Variants in RFPL1 observed in about 807,000 individuals in gnomAD.
RFPL1 encodes the protein ret finger protein-like 1.
A neutral mutation model predicts 9.6 loss-of-function variants in RFPL1; 6 were observed. The observed-to-expected ratio is 0.62, with a 90% CI of 0.34 to 1.23. The LOEUF is 1.23. Among genes scored for constraint, RFPL1 ranks in the 50% most tolerant of loss-of-function variants. The probability of loss-of-function intolerance (pLI) is 0.03; values close to 1 mark genes in which losing one functional copy is unlikely to be tolerated. For missense variants in RFPL1, 352 were observed against 398.4 expected (o/e 0.88, Z 0.99); for synonymous variants, 145 against 149.4 (o/e 0.97, Z 0.22).
At chr22:29,439,446 A>T (rs1352273310) in intron 1 of RFPL1, 3 of 431,780 alleles carry the variant, frequency 6.9e-6, no homozygotes, top group Non-Finnish European at 4.1e-6. Context: ...ATCCTGGATA[A>T]CACGGTGAAA....
the RFPL1 span, among the ~76,000 whole-genome samples, chr22:29,400,506 A>G: frequency 1.3e-5 from 2 of 152,304 alleles, no homozygotes; most frequent in East Asian, 3.9e-4. Flanking sequence ...GGATTGCATG[A>G]ACTTGTGCCT....
chr22:29,425,565 T>C, the RFPL1 span, among the ~76,000 whole-genome samples: 2 of 152,172 alleles, frequency 1.3e-5, no homozygotes, highest in African/African-American at 4.8e-5. Context: ...TGAATTCTCA[T>C]AGAAATGAAA....
the RFPL1 span, among the ~76,000 whole-genome samples, chr22:29,432,452 C>T: frequency 6.6e-6 from 1 of 152,174 alleles, no homozygotes; most frequent in Admixed American, 6.6e-5. Context: ...TGCTTCAGCT[C>T]AATTCCCCCT....
chr22:29,431,089 C>A, the RFPL1 span, among the ~76,000 whole-genome samples: 2 of 151,954 alleles, frequency 1.3e-5, no homozygotes, highest in Admixed American at 6.6e-5. Context: ...GTAATAAAAA[C>A]CCCTTGTAAG....
the RFPL1 span, among the ~76,000 whole-genome samples, chr22:29,420,970 A>G: frequency 6.6e-6 from 1 of 151,960 alleles, no homozygotes; most frequent in Non-Finnish European, 1.5e-5. Context: ...GCCCAGTCCC[A>G]TACTAACTTG....
At chr22:29,418,149 T>A in the RFPL1 span, among the ~76,000 whole-genome samples, 4 of 152,038 alleles carry the variant, frequency 2.6e-5, no homozygotes, top group African/African-American at 9.7e-5. Context: ...CAGGTGGTCT[T>A]GAACTCCTGA....
chr22:29,437,454 T>C (rs947979731), upstream of RFPL1: 17 of 658,842 alleles, frequency 2.6e-5, no homozygotes, highest in African/African-American at 2.8e-4. Context: ...TAATTTAATA[T>C]AAAGGCAATT....
the RFPL1 span, among the ~76,000 whole-genome samples, chr22:29,411,233 G>A: frequency 1.3e-5 from 2 of 152,120 alleles, no homozygotes; most frequent in African/African-American, 4.8e-5. Flanking sequence ...ATAGTAAGGG[G>A]GTTGGGAGTG....
the RFPL1 span, among the ~76,000 whole-genome samples, chr22:29,396,370 G>A: frequency 6.6e-6 from 1 of 152,200 alleles, no homozygotes; most frequent in Non-Finnish European, 1.5e-5. Context: ...TTTCTGCCAT[G>A]GGAATATGCA....
chr22:29,413,381 T>C, the RFPL1 span, among the ~76,000 whole-genome samples: 1 of 152,086 alleles, frequency 6.6e-6, no homozygotes, highest in Non-Finnish European at 1.5e-5. Flanking sequence ...AAAAGACTTT[T>C]AGTTTTGAGG....
chr22:29,441,718 G>A lies in RFPL1; in HGVS notation c.550G>A (p.Val184Met), dbSNP rs749377519. 3.7e-6 allele frequency: 6 copies of A among 1,613,830 alleles called. No homozygotes were observed. In the East Asian group the frequency reaches 6.7e-5, roughly 18 times the overall value. Reference sequence around the variant, plus strand: ...TACCTGTGGCCGCCACTACTGGGAGGTGGACGTGGGAACAAGCACAGAATG... The same window carrying A: ...TACCTGTGGCCGCCACTACTGGGAGATGGACGTGGGAACAAGCACAGAATG... Residue 184 changes from valine (V) to methionine (M), a missense_variant, in exon 2 of 2, where the codon GTG becomes ATG. By Grantham distance (21) the Val-to-Met change is conservative (BLOSUM62 1). Coordinates refer to ENST00000354373, the Ensembl canonical transcript of RFPL1.
chr22:29,400,001 T>C, the RFPL1 span, among the ~76,000 whole-genome samples: 4 of 148,638 alleles, frequency 2.7e-5, no homozygotes, highest in East Asian at 2.0e-4. Context: ...TTTCTTTTTT[T>C]TTTTTTTTTT....
chr22:29,418,629 A>G, the RFPL1 span, among the ~76,000 whole-genome samples: 1 of 150,892 alleles, frequency 6.6e-6, no homozygotes, highest in African/African-American at 2.4e-5. Context: ...CCTCCCGAGT[A>G]GCTGAGATTA....
upstream of RFPL1, among the ~76,000 whole-genome samples, chr22:29,435,480 G>T (rs934128333): frequency 6.6e-6 from 1 of 152,218 alleles, no homozygotes; most frequent in Non-Finnish European, 1.5e-5. Context: ...ACCAGGGCTG[G>T]ACTCTGTCTT....
the RFPL1 span, among the ~76,000 whole-genome samples, chr22:29,402,621 C>A: frequency 2.5e-4 from 38 of 151,992 alleles, no homozygotes; most frequent in Non-Finnish European, 4.4e-4. Flanking sequence ...AAAACTAACA[C>A]TTGTAAGACA....
chr22:29,400,115 C>G, the RFPL1 span, among the ~76,000 whole-genome samples: 1 of 151,732 alleles, frequency 6.6e-6, no homozygotes, highest in Admixed American at 6.6e-5. Context: ...CCTGCCTCAG[C>G]CTCTCAAGTA....
chr22:29,398,512 G>T, the RFPL1 span, among the ~76,000 whole-genome samples: 1 of 152,216 alleles, frequency 6.6e-6, no homozygotes, highest in Non-Finnish European at 1.5e-5. Flanking sequence ...TTGGAAAGGA[G>T]CTGAGCTGGG....
At chr22:29,422,067 C>G in the RFPL1 span, among the ~76,000 whole-genome samples, 15 of 152,130 alleles carry the variant, frequency 9.9e-5, no homozygotes, top group African/African-American at 3.4e-4. Flanking sequence ...AAGGGCTGGC[C>G]AGAAAGATGC....
At chr22:29,425,631 T>A in the RFPL1 span, among the ~76,000 whole-genome samples, 1 of 152,224 alleles carries the variant, frequency 6.6e-6, no homozygotes, top group African/African-American at 2.4e-5. Context: ...GCAGGACATT[T>A]GTGAAGCATT....
Sources: allele counts gnomAD v4.1 joint callset (sites outside exome capture counted in the v4.1 genomes callset), GRCh38; gene constraint gnomAD v4.1.1; transcripts MANE v1.5; gene names NCBI Gene and HGNC (gene_info 2026-07-23, HGNC 2026-07-21).